The following ZMYM4 variants were observed in gnomAD, a reference collection of about 807,000 sequenced individuals.
ZMYM4 encodes zinc finger MYM-type protein 4.
In ZMYM4, 31 loss-of-function variants were observed where a neutral mutation model predicts 183.2. That is an observed-to-expected ratio of 0.17 (90% CI 0.13 to 0.23). The LOEUF is 0.23. ZMYM4 is among the 10% of genes least tolerant of loss of function. The pLI, the probability that ZMYM4 is intolerant of heterozygous loss-of-function variation, is 1.00. For synonymous variants in ZMYM4, 592 were observed against 631.2 expected (o/e 0.94, Z 0.93); for missense variants, 1,273 against 1,840.3 (o/e 0.69, Z 5.64).
intron 1 of ZMYM4, among the ~76,000 whole-genome samples, chr1:35,303,901 A>G (rs919892926): frequency 6.6e-6 from 1 of 152,206 alleles, no homozygotes; most frequent in Non-Finnish European, 1.5e-5. Flanking sequence ...TTAAAGCTAT[A>G]GACATTTCTA....
intron 1 of ZMYM4, among the ~76,000 whole-genome samples, chr1:35,301,517 G>A (rs1641276484): frequency 6.7e-6 from 1 of 149,966 alleles, no homozygotes; most frequent in Non-Finnish European, 1.5e-5. Context: ...CTGTACTCCA[G>A]CCTGGGTGAC....
chr1:35,299,340 C>T (rs752390688), intron 1 of ZMYM4, among the ~76,000 whole-genome samples: 3 of 151,638 alleles, frequency 2.0e-5, no homozygotes, highest in Non-Finnish European at 2.9e-5. Context: ...ACAAACAAAG[C>T]GGGAAAAGAA....
intron 7 of ZMYM4, 136 bp from the exon 8 acceptor site, chr1:35,381,123 A>T: frequency 2.9e-6 from 2 of 681,940 alleles, no homozygotes; most frequent in Non-Finnish European, 2.2e-6. Context: ...CCAGAAAATT[A>T]AAGTTTTTAA....
intron 1 of ZMYM4, among the ~76,000 whole-genome samples, chr1:35,298,605 G>T (rs947382047): frequency 6.6e-6 from 1 of 152,104 alleles, no homozygotes; most frequent in African/African-American, 2.4e-5. Flanking sequence ...AGACTTGCTG[G>T]GGAGTTGGTC....
intron 1 of ZMYM4, among the ~76,000 whole-genome samples, chr1:35,290,401 A>T (rs1414938993): frequency 6.6e-6 from 1 of 152,168 alleles, no homozygotes; most frequent in Non-Finnish European, 1.5e-5. Context: ...TTAACATCAC[A>T]TGTACAGTTC....
chr1:35,335,983 G>A (rs1214891657), intron 2 of ZMYM4, among the ~76,000 whole-genome samples: 1 of 152,158 alleles, frequency 6.6e-6, no homozygotes, highest in Non-Finnish European at 1.5e-5. Flanking sequence ...CCATTTTTAA[G>A]TGTGCAGTTC....
At chr1:35,398,364 A>G (rs1644845166) in intron 20 of ZMYM4, 49 bp from the exon 21 acceptor site, 1 of 1,521,492 alleles carries the variant, frequency 6.6e-7, no homozygotes, top group Admixed American at 1.8e-5. Context: ...TTTGAGATAT[A>G]ATTTGTTGTC....
At chr1:35,370,732 T>A in intron 7 of ZMYM4, 105 bp downstream of exon 7, 1 of 1,123,330 alleles carries the variant, frequency 8.9e-7, no homozygotes, top group Non-Finnish European at 1.1e-6. Flanking sequence ...TATTCCTTTT[T>A]TTTTTTTTTT....
At position 35,397,358 on chromosome 1, in the gene ZMYM4, T is replaced by A. The variant is rs569721652; in HGVS notation, c.3031-19T>A. On this transcript the variant is annotated intron_variant, in intron 19 of 29. Coordinates refer to ENST00000314607, the MANE Select transcript of ZMYM4 (RefSeq NM_005095.3). ...ACCTGTTGCCAAAGAAAGCCTTCAGTCTATCCTTGGTCTTTCAGATGCCTG... is the reference window on the plus strand; with the variant it reads ...ACCTGTTGCCAAAGAAAGCCTTCAGACTATCCTTGGTCTTTCAGATGCCTG... The A allele has an allele frequency of 1.8e-5, 28 of 1,538,198 alleles. No individual in the cohort carries two copies. In the African/African-American group the frequency reaches 3.5e-4, roughly 19 times the overall value.
At chr1:35,353,171 C>G (rs925068019) in intron 2 of ZMYM4, among the ~76,000 whole-genome samples, 1 of 152,176 alleles carries the variant, frequency 6.6e-6, no homozygotes, top group Non-Finnish European at 1.5e-5. Context: ...CAAAATATAT[C>G]CACATCTGAC....
intron 2 of ZMYM4, among the ~76,000 whole-genome samples, chr1:35,347,810 CA>C (rs1224146853): frequency 2.0e-5 from 3 of 151,854 alleles, no homozygotes; most frequent in Non-Finnish European, 2.9e-5. Context: ...CAATTATTGG[CA>C]AAAATGACTT....
intron 1 of ZMYM4, among the ~76,000 whole-genome samples, chr1:35,286,594 ATTTTT>A (rs35510573): frequency 8.5e-6 from 1 of 117,568 alleles, no homozygotes; most frequent in African/African-American, 3.2e-5. Context: ...CTGTCTGCCT[ATTTTT>A]TTTTTTTTTT....
At chr1:35,315,472 C>T (rs1642003813) in intron 1 of ZMYM4, among the ~76,000 whole-genome samples, 1 of 152,102 alleles carries the variant, frequency 6.6e-6, no homozygotes, top group African/African-American at 2.4e-5. Flanking sequence ...GTACCTACAG[C>T]AAGTTGACAG....
chr1:35,391,173 T>C lies in ZMYM4; in HGVS notation c.2588-1039T>C, dbSNP rs145500618. ...GAAAGTGTGAAAATATGTTGCAAGG[T>C]TGCAGTGAGCAGCACAGCAGAGAAG... On this transcript the variant is annotated intron_variant, in intron 15 of 29. Coordinates refer to ENST00000314607, the MANE Select transcript of ZMYM4 (RefSeq NM_005095.3). Among the ~76,000 whole-genome samples the C allele has an allele frequency of 2.6e-5, 4 of 152,286 alleles. No homozygotes were observed. In the East Asian group the frequency reaches 7.7e-4, roughly 29 times the overall value.
chr1:35,269,006 C>A lies in ZMYM4; in HGVS notation c.-41C>A. The A allele has an allele frequency of 6.6e-7, 1 of 1,519,548 alleles. No individual in the cohort carries two copies. The highest frequency in any genetic ancestry group is 1.2e-5 in the South Asian group (1 of 80,686). The allele number at this position is 1,519,548 out of a possible 1,614,324, so 94.1% of individuals were successfully genotyped here. On this transcript the variant is annotated 5_prime_UTR_variant, in exon 1 of 30. Coordinates refer to ENST00000314607, the MANE Select transcript of ZMYM4 (RefSeq NM_005095.3). The stretch of plus-strand genomic sequence containing the variant: ...CCGGGGGGCCGAGAGGTACCGCCGC[C>A]ACCGCGCGGGGAGCCGCAGCGGTTC...
intron 2 of ZMYM4, among the ~76,000 whole-genome samples, chr1:35,353,782 AT>A (rs1245212869): frequency 1.3e-5 from 2 of 152,232 alleles, no homozygotes; most frequent in African/African-American, 2.4e-5. Flanking sequence ...ATTGCATAAG[AT>A]TTTATGCAGC....
intron 2 of ZMYM4, among the ~76,000 whole-genome samples, chr1:35,331,797 C>CATAAATAAATAAATAAATAA (rs56242648): frequency 5.7e-5 from 8 of 140,638 alleles, no homozygotes; most frequent in South Asian, 2.3e-4. Flanking sequence ...CTCAAAAATA[C>CATAAATAAATAAATAAATAA]ATAAATAAAT....
In ZMYM4 at chr1:35,285,234, G is replaced by A. The variant is rs12087172; in HGVS notation, c.39+16149G>A. On this transcript the variant is annotated intron_variant, in intron 1 of 29. Coordinates refer to ENST00000314607, the MANE Select transcript of ZMYM4 (RefSeq NM_005095.3). ...AAAAGAGTTATTAGGATTTTGACAG[G>A]GATCAAAATTGAATTTGTAAATCAA... 7.5e-3 allele frequency among the ~76,000 whole-genome samples: 1,135 copies of A among 151,902 alleles called. 15 individuals carry two copies. The highest frequency in any genetic ancestry group is 0.026 in the African/African-American group (1,082 of 41,454).
intron 11 of ZMYM4, 78 bp from the exon 12 acceptor site, chr1:35,386,925 T>G (rs1279182587): frequency 4.8e-5 from 71 of 1,475,610 alleles, no homozygotes; most frequent in Non-Finnish European, 8.2e-6. Flanking sequence ...AGAACGGTGC[T>G]TGGCATATGT....
Sources: gnomAD v4.1 joint callset for allele counts (sites outside exome capture counted in the v4.1 genomes callset) on GRCh38, gnomAD v4.1.1 for gene constraint, MANE v1.5 for transcripts, NCBI Gene and HGNC (gene_info 2026-07-23, HGNC 2026-07-21) for gene names.